The following NR6A1 variants were observed in gnomAD, a reference collection of about 807,000 sequenced individuals.
NR6A1 encodes the protein retinoic acid receptor-related testis-associated receptor.
A neutral mutation model predicts 59.1 loss-of-function variants in NR6A1; 7 were observed. The observed-to-expected ratio is 0.12, with a 90% CI of 0.07 to 0.22. The LOEUF (loss-of-function observed/expected upper bound fraction) is 0.22, where lower values mean the gene tolerates loss of function less well. Ranked by LOEUF, NR6A1 falls within the 10% of genes least tolerant of loss-of-function variation. The pLI is 1.00. For missense variants in NR6A1, 468 were observed against 611.6 expected (o/e 0.77, Z 2.48); for synonymous variants, 243 against 236.1 (o/e 1.03, Z -0.27).
intron 2 of NR6A1, among the ~76,000 whole-genome samples, chr9:124,712,706 A>G (rs1408189774): frequency 6.6e-6 from 1 of 152,202 alleles, no homozygotes. Context: ...TTAACAAAAT[A>G]TTACCAAGTT....
chr9:124,700,697 A>G (rs1048751236), intron 2 of NR6A1, among the ~76,000 whole-genome samples: 2 of 150,476 alleles, frequency 1.3e-5, no homozygotes, highest in Non-Finnish European at 3.0e-5. Context: ...AATTGTTTCC[A>G]GGTTTGGGCT....
chr9:124,693,023 G>A (rs1038117538), intron 2 of NR6A1, among the ~76,000 whole-genome samples: 2 of 152,112 alleles, frequency 1.3e-5, no homozygotes, highest in Non-Finnish European at 2.9e-5. Context: ...TAGTTAATAT[G>A]GTTAATTTTT....
intron 3 of NR6A1, among the ~76,000 whole-genome samples, chr9:124,546,290 C>T (rs758396121): frequency 9.1e-4 from 139 of 152,142 alleles, no homozygotes; most frequent in Non-Finnish European, 9.4e-4. Context: ...AAGTATTTTG[C>T]TGGAAGAGAC....
intron 2 of NR6A1, among the ~76,000 whole-genome samples, chr9:124,662,455 C>T (rs1379955171): frequency 6.6e-6 from 1 of 151,994 alleles, no homozygotes; most frequent in Non-Finnish European, 1.5e-5. Flanking sequence ...AGACACCCTG[C>T]AGGATTTATA....
intron 2 of NR6A1, among the ~76,000 whole-genome samples, chr9:124,657,186 C>G (rs1339520895): frequency 1.3e-5 from 2 of 152,108 alleles, no homozygotes; most frequent in Non-Finnish European, 2.9e-5. Flanking sequence ...ATCAAAACAG[C>G]TTTTCTCGGG....
intron 2 of NR6A1, among the ~76,000 whole-genome samples, chr9:124,613,479 T>TA (rs1390575221): frequency 5.3e-5 from 8 of 151,992 alleles, no homozygotes; most frequent in South Asian, 2.1e-4. Flanking sequence ...AGACCGTCTC[T>TA]AAAAAAATAA....
intron 7 of NR6A1, among the ~76,000 whole-genome samples, chr9:124,527,191 C>G (rs1410507610): frequency 6.6e-6 from 1 of 152,164 alleles, no homozygotes; most frequent in Non-Finnish European, 1.5e-5. Context: ...CTTTGAGGTC[C>G]TCCTCTGCAA....
At chr9:124,733,165 TC>T in intron 2 of NR6A1, 142 bp downstream of exon 2, 1 of 675,282 alleles carries the variant, frequency 1.5e-6, no homozygotes, top group Non-Finnish European at 2.6e-6. Flanking sequence ...AGAGTGCCCT[TC>T]CTATAATTAC....
intron 7 of NR6A1, among the ~76,000 whole-genome samples, chr9:124,533,733 T>C (rs746204108): frequency 9.2e-5 from 14 of 151,758 alleles, no homozygotes; most frequent in Non-Finnish European, 2.1e-4. Context: ...CACTGCAAGC[T>C]CCACCTCCCT....
chr9:124,732,420 C>T (rs1389876781), intron 2 of NR6A1, among the ~76,000 whole-genome samples: 1 of 152,186 alleles, frequency 6.6e-6, no homozygotes, highest in Admixed American at 6.5e-5. Context: ...GAATGGTGCA[C>T]GCCACCACAT....
rs57888593 is a variant in NR6A1 at position 124,550,277 on chromosome 9, T to C, written c.385+4051A>G. Among the ~76,000 whole-genome samples, 311 of 152,328 alleles carry C rather than the reference T, an allele frequency of 2.0e-3. 1 individual carries two copies. The highest frequency in any genetic ancestry group is 6.5e-3 in the African/African-American group (269 of 41,578). On this transcript the variant is annotated intron_variant, in intron 3 of 9. Transcript: ENST00000487099. ...GTAATTACTATATATTTGCAGACTA[T>C]GCAAATATTCTGTTTCTGTTGACAC...
At chr9:124,644,572 T>G (rs1836877499) in intron 2 of NR6A1, among the ~76,000 whole-genome samples, 1 of 152,150 alleles carries the variant, frequency 6.6e-6, no homozygotes, top group Non-Finnish European at 1.5e-5. Flanking sequence ...CTTTCTAAGC[T>G]TTTAATATGT....
Position 124,737,350 on chromosome 9 carries a change from C to T in NR6A1, c.101-4001G>A, listed in dbSNP as rs570812942. Among the ~76,000 whole-genome samples, 11 of 152,258 alleles carry T rather than the reference C, an allele frequency of 7.2e-5. No individual in the cohort carries two copies. The East Asian group carries it at 1.5e-3, about 21-fold the overall frequency. On this transcript the variant is annotated intron_variant, in intron 1 of 9. Coordinates refer to ENST00000487099, the MANE Select transcript of NR6A1 (RefSeq NM_033334.4). ...ATATGGAGAACAATGTTAATCTTAC[C>T]TACAAACCACATACCTACTGACCAC... is the stretch of plus-strand genomic sequence containing the variant.
intron 2 of NR6A1, among the ~76,000 whole-genome samples, chr9:124,583,048 A>G (rs1203195278): frequency 6.6e-6 from 1 of 152,196 alleles, no homozygotes; most frequent in Non-Finnish European, 1.5e-5. Context: ...TTATCTATCC[A>G]AAAACATTAT....
At chr9:124,766,144 A>G (rs1840928516) in intron 1 of NR6A1, among the ~76,000 whole-genome samples, 2 of 152,202 alleles carry the variant, frequency 1.3e-5, no homozygotes, top group African/African-American at 4.8e-5. Flanking sequence ...ATACCCAAGA[A>G]AGAATTACCT....
intron 9 of NR6A1, among the ~76,000 whole-genome samples, chr9:124,523,236 G>A (rs1274995012): frequency 6.6e-6 from 1 of 152,122 alleles, no homozygotes; most frequent in Non-Finnish European, 1.5e-5. Flanking sequence ...ACTTCAGAAT[G>A]GTTTAATAGG....
intron 1 of NR6A1, among the ~76,000 whole-genome samples, chr9:124,734,468 T>C (rs1202541442): frequency 1.3e-5 from 2 of 152,156 alleles, no homozygotes; most frequent in Non-Finnish European, 2.9e-5. Flanking sequence ...CAAAACGAGC[T>C]GATCACTTGA....
At chr9:124,689,931 G>A (rs915304346) in intron 2 of NR6A1, among the ~76,000 whole-genome samples, 2 of 152,120 alleles carry the variant, frequency 1.3e-5, no homozygotes, top group Non-Finnish European at 2.9e-5. Flanking sequence ...GTCAGATAGT[G>A]GGCTCCAGGA....
chr9:124,645,968 T>C (rs988610782), intron 2 of NR6A1, among the ~76,000 whole-genome samples: 3 of 152,160 alleles, frequency 2.0e-5, no homozygotes, highest in Admixed American at 2.0e-4. Flanking sequence ...CAGAAAGATA[T>C]CTGGAACATC....
Sources: gnomAD v4.1 joint callset for allele counts (sites outside exome capture counted in the v4.1 genomes callset) on GRCh38, gnomAD v4.1.1 for gene constraint, MANE v1.5 for transcripts, NCBI Gene and HGNC (gene_info 2026-07-23, HGNC 2026-07-21) for gene names.